AP1B1: variants seen among roughly 807,000 people sequenced by gnomAD.
AP1B1 encodes the protein AP-1 complex subunit beta-1.
AP1B1 carries 36 observed loss-of-function variants against 104.3 expected under a neutral mutation model. The observed-to-expected ratio is 0.35, with a 90% CI of 0.26 to 0.46. The LOEUF is 0.46. Among genes scored for constraint, AP1B1 ranks in the 20% least tolerant of loss-of-function variants. AP1B1 has a pLI of 1.00. For synonymous variants in AP1B1, 504 were observed against 517.5 expected (o/e 0.97, Z 0.35); for missense variants, 901 against 1,247.9 (o/e 0.72, Z 4.19).
chr22:29,367,427 A>C (rs1403555775), intron 1 of AP1B1, among the ~76,000 whole-genome samples, 157 bp from the exon 2 acceptor site: 3 of 147,760 alleles, frequency 2.0e-5, no homozygotes, highest in African/African-American at 7.7e-5. Flanking sequence ...ATGGCAGATT[A>C]GATTTTGAAA....
chr22:29,362,145 A>G (rs1278553530), intron 3 of AP1B1, among the ~76,000 whole-genome samples: 3 of 152,154 alleles, frequency 2.0e-5, no homozygotes, highest in Admixed American at 2.0e-4. Context: ...GCGCTCCCAC[A>G]GGGGAAGCAT....
At chr22:29,373,325 T>G (rs756210656) in intron 1 of AP1B1, among the ~76,000 whole-genome samples, 2 of 152,182 alleles carry the variant, frequency 1.3e-5, no homozygotes, top group Non-Finnish European at 2.9e-5. Context: ...CTCTTCTGTG[T>G]ATTTCACATA....
At chr22:29,384,649 C>G (rs1009277735) in intron 1 of AP1B1, among the ~76,000 whole-genome samples, 21 of 152,056 alleles carry the variant, frequency 1.4e-4, no homozygotes, top group African/African-American at 4.8e-4. Context: ...AGGCGGGTCA[C>G]TTGAGGTCAG....
chr22:29,366,883 AC>A (rs2062150791), intron 2 of AP1B1, among the ~76,000 whole-genome samples: 1 of 124,234 alleles, frequency 8.0e-6, no homozygotes. Flanking sequence ...CACACACACA[AC>A]TGCTGTGGGG....
chr22:29,368,736 T>C (rs2062182945), intron 1 of AP1B1, among the ~76,000 whole-genome samples: 1 of 147,452 alleles, frequency 6.8e-6, no homozygotes, highest in Non-Finnish European at 1.5e-5. Context: ...AGTTCCCTGA[T>C]AGTGGCTAAA....
intron 1 of AP1B1, among the ~76,000 whole-genome samples, chr22:29,373,508 A>C (rs185686578): frequency 6.6e-6 from 1 of 152,192 alleles, no homozygotes; most frequent in Non-Finnish European, 1.5e-5. Flanking sequence ...GAAAGTGGGC[A>C]TGAAGGGCCC....
chr22:29,358,180 T>C (rs1447513098), intron 5 of AP1B1, among the ~76,000 whole-genome samples: 1 of 152,190 alleles, frequency 6.6e-6, no homozygotes, highest in Non-Finnish European at 1.5e-5. Flanking sequence ...CCCTCCAAAC[T>C]GCTGCCACCA....
At chr22:29,340,162 C>T (rs998014055) in intron 14 of AP1B1, among the ~76,000 whole-genome samples, 25 of 152,184 alleles carry the variant, frequency 1.6e-4, no homozygotes, top group African/African-American at 5.8e-4. Flanking sequence ...CCAAGTCAGT[C>T]TCACCACTCC....
intron 1 of AP1B1, among the ~76,000 whole-genome samples, chr22:29,380,463 A>C (rs1256163818): frequency 2.0e-5 from 3 of 152,128 alleles, no homozygotes; most frequent in Non-Finnish European, 4.4e-5. Context: ...ATTACTGTGG[A>C]GATGACTAGC....
chr22:29,346,508 G>T (rs2061794336), intron 11 of AP1B1, among the ~76,000 whole-genome samples: 1 of 152,200 alleles, frequency 6.6e-6, no homozygotes, highest in African/African-American at 2.4e-5. Flanking sequence ...GTTCATAATA[G>T]AGTTTGCGCT....
chr22:29,331,997 C>A, intron 17 of AP1B1, 81 bp from the exon 18 acceptor site: 1 of 1,420,028 alleles, frequency 7.0e-7, no homozygotes, highest in South Asian at 1.3e-5. Flanking sequence ...GACTCGGGAG[C>A]TGGGGCTGTG....
intron 22 of AP1B1, chr22:29,329,129 C>T: frequency 1.5e-6 from 2 of 1,341,926 alleles, no homozygotes; most frequent in Non-Finnish European, 1.9e-6. Flanking sequence ...GCCCAGTCAC[C>T]AGAGCCCTGC....
intron 11 of AP1B1, among the ~76,000 whole-genome samples, chr22:29,344,770 C>T (rs981801012): frequency 2.0e-5 from 3 of 152,000 alleles, no homozygotes; most frequent in Admixed American, 6.6e-5. Context: ...CCACCCACCT[C>T]GGCCTCCCAA....
Position 29,358,814 on chromosome 22 carries a change from G to T in AP1B1, c.437C>A (p.Ala146Asp). The change falls in exon 5 of 23, where the codon GCC becomes GAC. Residue 146 changes from alanine (A) to aspartate (D), a missense_variant. Transcript: ENST00000357586. ...CTGGGCGTTGATGTCGTGGAGCTTG[G>T]CCACGCACACAGCTGCTGTCTTGCG... is the stretch of plus-strand genomic sequence containing the variant. ...YVRKTAAVCVAKLHDINAQLV... is the reference protein window; with the variant it reads ...YVRKTAAVCVDKLHDINAQLV... 2 of 1,614,226 alleles carry T rather than the reference G, an allele frequency of 1.2e-6. No individual in the cohort carries two copies. Among genetic ancestry groups the T allele is most frequent in the South Asian group, 1.1e-5 (1 of 91,086 alleles).
At chr22:29,349,647 G>A (rs1216048448) in intron 10 of AP1B1, among the ~76,000 whole-genome samples, 1 of 152,034 alleles carries the variant, frequency 6.6e-6, no homozygotes, top group African/African-American at 2.4e-5. Flanking sequence ...CCAAGTAGCT[G>A]GGATTACAGG....
intron 3 of AP1B1, 22 bp from the exon 4 acceptor site, chr22:29,359,981 A>G (rs756839742): frequency 6.2e-7 from 1 of 1,608,280 alleles, no homozygotes; most frequent in Non-Finnish European, 8.5e-7. Context: ...AAATGGTGTC[A>G]GCATGGGAAA....
At chr22:29,386,879 G>A (rs140160683) in intron 1 of AP1B1, among the ~76,000 whole-genome samples, 4 of 152,284 alleles carry the variant, frequency 2.6e-5, no homozygotes, top group East Asian at 3.9e-4. Context: ...CCACCAAACC[G>A]TCTCACCACC....
At chr22:29,329,883 G>A (rs1223098224) in intron 21 of AP1B1, 163 bp from the exon 22 acceptor site, 4 of 1,463,116 alleles carry the variant, frequency 2.7e-6, no homozygotes, top group Non-Finnish European at 2.7e-6. Flanking sequence ...AGAGACTCAG[G>A]GGTGTGGGGG....
At position 29,328,915 on chromosome 22, in the gene AP1B1, C is replaced by G. The variant is rs368618656; in HGVS notation, c.2776-20G>C. 1.2e-6 allele frequency: 2 copies of G among 1,601,098 alleles called. No individual in the cohort carries two copies. The highest frequency in any genetic ancestry group is 2.3e-5 in the South Asian group (2 of 88,484). ...GGACAGCTGCAGGGGAGAGAGGGGT[C>G]GGGGGAAAGAGCGCTCATCCCTGGG... On this transcript the variant is annotated intron_variant, in intron 22 of 22. Transcript: ENST00000357586. The surrounding 1 kb of genome is among the most constrained non-coding windows in gnomAD (Gnocchi z 4.1).
Sources: gnomAD v4.1 joint callset for allele counts (sites outside exome capture counted in the v4.1 genomes callset) on GRCh38, gnomAD v4.1.1 for gene constraint, Gnocchi (gnomAD v3.1) non-coding constraint, MANE v1.5 for transcripts, NCBI Gene and HGNC (gene_info 2026-07-23, HGNC 2026-07-21) for gene names.